The following CNTNAP2 variants were observed in gnomAD, a reference collection of about 807,000 sequenced individuals.
CNTNAP2 encodes the protein contactin-associated protein-like 2.
Under a neutral mutation model 155.2 loss-of-function variants are expected in CNTNAP2, and 98 were observed. The ratio of observed to expected loss-of-function variants is 0.63; its 90% CI spans 0.54 to 0.75. CNTNAP2 has a LOEUF of 0.75. Ranked by LOEUF, CNTNAP2 falls within the 30% of genes least tolerant of loss-of-function variation. The pLI, the probability that CNTNAP2 is intolerant of heterozygous loss-of-function variation, is 0.00. For missense variants in CNTNAP2, 1,727 were observed against 1,688.1 expected (o/e 1.02, Z -0.40); for synonymous variants, 651 against 631.2 (o/e 1.03, Z -0.47).
intron 11 of CNTNAP2, among the ~76,000 whole-genome samples, chr7:147,519,421 A>T (rs1397248487): frequency 1.3e-5 from 2 of 152,230 alleles, no homozygotes; most frequent in Non-Finnish European, 1.5e-5. Context: ...TCCTACCTCA[A>T]GATCCTTAAC....
At chr7:146,289,657 A>G (rs1002148131) in intron 1 of CNTNAP2, among the ~76,000 whole-genome samples, 1 of 152,190 alleles carries the variant, frequency 6.6e-6, no homozygotes, top group Admixed American at 6.5e-5. Context: ...TCAGCAAACG[A>G]CCATTTATAT....
chr7:148,054,163 A>G (rs997312812), intron 15 of CNTNAP2, among the ~76,000 whole-genome samples: 2 of 151,964 alleles, frequency 1.3e-5, no homozygotes, highest in East Asian at 1.9e-4. Context: ...TAGTAGAGAC[A>G]GGGTTTCACC....
At chr7:147,459,460 A>T (rs1455973880) in intron 10 of CNTNAP2, among the ~76,000 whole-genome samples, 1 of 152,174 alleles carries the variant, frequency 6.6e-6, no homozygotes. Flanking sequence ...GACTTTGCAG[A>T]TGTGACTAAA....
At chr7:146,887,993 G>T (rs1332122770) in intron 3 of CNTNAP2, among the ~76,000 whole-genome samples, 8 of 151,938 alleles carry the variant, frequency 5.3e-5, no homozygotes, top group Non-Finnish European at 1.2e-4. Context: ...TTGATTTTTA[G>T]CTCTGACTAC....
Position 147,495,947 on chromosome 7 carries a change from C to T in CNTNAP2, c.1777+9906C>T, listed in dbSNP as rs531681629. Among the ~76,000 whole-genome samples, 16 of 152,214 alleles carry T rather than the reference C, an allele frequency of 1.1e-4. No individual in the cohort carries two copies. In the South Asian group the frequency reaches 3.3e-3, roughly 32 times the overall value. Reference sequence around the variant, plus strand: ...CCACTTCCTGTCAGATCACGGGCAGCATCAGATTCTCAGAGGAGCACGAAT... The same window carrying T: ...CCACTTCCTGTCAGATCACGGGCAGTATCAGATTCTCAGAGGAGCACGAAT... On this transcript the variant is annotated intron_variant, in intron 11 of 23. Transcript: ENST00000361727.
At chr7:146,604,834 A>C (rs915941107) in intron 1 of CNTNAP2, among the ~76,000 whole-genome samples, 1 of 145,612 alleles carries the variant, frequency 6.9e-6, no homozygotes, top group African/African-American at 2.5e-5. Flanking sequence ...ACAAAAAACC[A>C]AACACCTCAT....
At chr7:147,358,561 G>T (rs1563173706) in intron 9 of CNTNAP2, among the ~76,000 whole-genome samples, 1 of 151,872 alleles carries the variant, frequency 6.6e-6, no homozygotes, top group East Asian at 1.9e-4. Flanking sequence ...ATTCATGTGT[G>T]ATTTATGGCA....
At chr7:148,356,370 G>A (rs1245871059) in intron 21 of CNTNAP2, among the ~76,000 whole-genome samples, 1 of 152,282 alleles carries the variant, frequency 6.6e-6, no homozygotes, top group Middle Eastern at 3.4e-3. Flanking sequence ...AAAATGCCAT[G>A]TGTGCTCTGA....
chr7:147,660,964 G>A (rs768237282), intron 13 of CNTNAP2, among the ~76,000 whole-genome samples: 8 of 152,052 alleles, frequency 5.3e-5, no homozygotes, highest in Non-Finnish European at 1.0e-4. Context: ...CCCCCCTATT[G>A]CACACCCACC....
intron 8 of CNTNAP2, among the ~76,000 whole-genome samples, chr7:147,218,829 T>TG (rs767686116): frequency 6.6e-6 from 1 of 152,222 alleles, no homozygotes; most frequent in Non-Finnish European, 1.5e-5. Context: ...GGTGTTAAAG[T>TG]CTCCAACTAT....
At chr7:147,745,545 T>A (rs1797024163) in intron 13 of CNTNAP2, among the ~76,000 whole-genome samples, 1 of 152,250 alleles carries the variant, frequency 6.6e-6, no homozygotes, top group Admixed American at 6.5e-5. Context: ...TTCCATAGTG[T>A]GTGTTGCTTT....
chr7:148,087,677 T>C (rs576629800), intron 15 of CNTNAP2, among the ~76,000 whole-genome samples: 1 of 152,286 alleles, frequency 6.6e-6, no homozygotes, highest in East Asian at 1.9e-4. Flanking sequence ...CCCAGACTCA[T>C]TCCAATTTGT....
At chr7:147,229,834 T>C (rs2116614874) in intron 8 of CNTNAP2, among the ~76,000 whole-genome samples, 1 of 152,336 alleles carries the variant, frequency 6.6e-6, no homozygotes, top group Non-Finnish European at 1.5e-5. Flanking sequence ...ATAAATGCTA[T>C]TCAGATTTGA....
intron 20 of CNTNAP2, among the ~76,000 whole-genome samples, chr7:148,265,122 G>A (rs532128372): frequency 6.6e-6 from 1 of 152,342 alleles, no homozygotes; most frequent in South Asian, 2.1e-4. Flanking sequence ...TAAGTAAACA[G>A]AAGTGCGGTG....
At chr7:148,116,652 G>A (rs9640515) in intron 15 of CNTNAP2, among the ~76,000 whole-genome samples, 28,374 of 151,956 alleles carry the variant, frequency 0.19, 2,836 homozygotes, top group East Asian at 0.4. Context: ...AAAACAAACA[G>A]CATTAATTAA....
intron 3 of CNTNAP2, among the ~76,000 whole-genome samples, chr7:146,927,964 A>G (rs1319317099): frequency 1.4e-5 from 1 of 70,364 alleles, no homozygotes; most frequent in African/African-American, 4.7e-5. Context: ...GTGTGTGTAT[A>G]TATATATATA....
intron 13 of CNTNAP2, among the ~76,000 whole-genome samples, chr7:147,898,712 G>A (rs1444638395): frequency 1.3e-5 from 2 of 152,054 alleles, no homozygotes; most frequent in Non-Finnish European, 2.9e-5. Flanking sequence ...TAGAGACGGG[G>A]TTTCACCATC....
At chr7:148,351,216 G>T (rs1240461439) in intron 21 of CNTNAP2, among the ~76,000 whole-genome samples, 1 of 152,138 alleles carries the variant, frequency 6.6e-6, no homozygotes, top group Non-Finnish European at 1.5e-5. Flanking sequence ...ATGAGTGGAG[G>T]TAGGGAGGCT....
intron 4 of CNTNAP2, among the ~76,000 whole-genome samples, chr7:147,073,659 G>C (rs1326873633): frequency 2.0e-5 from 3 of 152,150 alleles, no homozygotes; most frequent in African/African-American, 7.2e-5. Flanking sequence ...ATGAGTGGCA[G>C]GTAGGTCAGG....
Sources: gnomAD v4.1 joint callset for allele counts (sites outside exome capture counted in the v4.1 genomes callset) on GRCh38, gnomAD v4.1.1 for gene constraint, MANE v1.5 for transcripts, NCBI Gene and HGNC (gene_info 2026-07-23, HGNC 2026-07-21) for gene names.